The following CLIP1 variants were observed in gnomAD, a reference collection of about 807,000 sequenced individuals.
CLIP1 encodes the protein CAP-Gly domain-containing linker protein 1.
A neutral mutation model predicts 161.6 loss-of-function variants in CLIP1; 66 were observed. The observed-to-expected ratio is 0.41, with a 90% confidence interval of 0.33 to 0.50. The LOEUF (loss-of-function observed/expected upper bound fraction) is 0.50, where lower values mean the gene tolerates loss of function less well. Ranked by LOEUF, CLIP1 falls within the 20% of genes least tolerant of loss-of-function variation. The pLI is 0.27. For synonymous variants in CLIP1, 598 were observed against 626.2 expected (o/e 0.96, Z 0.67); for missense variants, 1,376 against 1,702.0 (o/e 0.81, Z 3.37).
chr12:122,314,088 C>G (rs1011448243), intron 19 of CLIP1, among the ~76,000 whole-genome samples: 1 of 151,878 alleles, frequency 6.6e-6, no homozygotes, highest in African/African-American at 2.4e-5. Flanking sequence ...GTCAGGCGTT[C>G]GAGTACAGCC....
intron 19 of CLIP1, among the ~76,000 whole-genome samples, chr12:122,313,734 CA>C (rs931449113): frequency 2.0e-5 from 3 of 151,024 alleles, no homozygotes; most frequent in Non-Finnish European, 3.0e-5. Flanking sequence ...ACAACAACAA[CA>C]AAAAAAAACT....
intron 3 of CLIP1, among the ~76,000 whole-genome samples, chr12:122,365,914 T>C (rs560780478): frequency 7.2e-4 from 109 of 152,054 alleles, no homozygotes; most frequent in African/African-American, 2.6e-3. Context: ...GAAGCTGAGG[T>C]GGGAGGATTG....
intron 1 of CLIP1, among the ~76,000 whole-genome samples, chr12:122,420,036 A>T (rs890526483): frequency 2.6e-5 from 4 of 151,444 alleles, no homozygotes; most frequent in Admixed American, 1.3e-4. Flanking sequence ...GGTAAAAAAA[A>T]TTTTTTTTAA....
intron 10 of CLIP1, chr12:122,342,018 A>C (rs1278038918): frequency 2.0e-4 from 34 of 169,428 alleles, no homozygotes; most frequent in Non-Finnish European, 1.6e-4. Context: ...TCCTGACCTC[A>C]GGTGATCCAC....
intron 20 of CLIP1, among the ~76,000 whole-genome samples, chr12:122,305,851 T>G (rs1445389898): frequency 6.6e-6 from 1 of 151,768 alleles, no homozygotes; most frequent in Non-Finnish European, 1.5e-5. Context: ...ACGGATTGCC[T>G]AAGCTCAGGA....
chr12:122,343,446 A>C (rs1386734061), intron 10 of CLIP1: 1 of 152,134 alleles, frequency 6.6e-6, no homozygotes, highest in Non-Finnish European at 1.5e-5. Flanking sequence ...TGATCATTTT[A>C]TTAAAACACA....
intron 1 of CLIP1, among the ~76,000 whole-genome samples, chr12:122,409,559 T>C (rs1162529638): frequency 2.0e-5 from 3 of 151,956 alleles, no homozygotes; most frequent in African/African-American, 4.8e-5. Flanking sequence ...CAAGACAGAG[T>C]CTCACTCTGT....
At position 122,273,003 on chromosome 12, in the gene CLIP1, C is replaced by T; in HGVS notation, c.4189G>A (p.Ala1397Thr). Residue 1397 changes from alanine (A) to threonine (T), a missense_variant, in exon 26 of 26, where the codon GCA becomes ACA. By Grantham distance (58) the Ala-to-Thr change is moderately conservative (BLOSUM62 0). This residue lies in a region of CLIP1 where 948 missense variants were observed against 1,134.8 expected (regional missense o/e 0.84). Transcript: ENST00000620786. ...LHDTEDCPTQ[A>T]QMSEDPPHST... The stretch of plus-strand genomic sequence containing the variant: ...TGGGGAGGGTCCTCTGACATCTGTG[C>T]CTGGGTAGGACAATCCTCTGTGTCG... The T allele has an allele frequency of 6.2e-7, 1 of 1,614,162 alleles. No homozygotes were observed. The highest frequency in any genetic ancestry group is 8.5e-7 in the Non-Finnish European group (1 of 1,180,022).
At chr12:122,405,223 T>C (rs1956284444) in intron 1 of CLIP1, among the ~76,000 whole-genome samples, 1 of 150,484 alleles carries the variant, frequency 6.6e-6, no homozygotes, top group Non-Finnish European at 1.5e-5. Flanking sequence ...GTTCTGTCAC[T>C]GCTGCATGGC....
At chr12:122,384,306 T>G (rs192031147) in intron 1 of CLIP1, among the ~76,000 whole-genome samples, 2 of 152,162 alleles carry the variant, frequency 1.3e-5, no homozygotes. Context: ...AAGAATGACC[T>G]ACATATGTAT....
chr12:122,357,545 CG>C (rs1953490764), intron 5 of CLIP1, among the ~76,000 whole-genome samples: 1 of 133,996 alleles, frequency 7.5e-6, no homozygotes. Context: ...CCGCCCCGTC[CG>C]GGAGGGAGGT....
rs60623525 is a variant in CLIP1, at chr12:122,311,025, G to A, written c.3474-1143C>T. 0.1 allele frequency among the ~76,000 whole-genome samples: 15,372 copies of A among 152,078 alleles called. 2,525 individuals are homozygous for A. The highest frequency in any genetic ancestry group is 0.35 in the African/African-American group (14,409 of 41,424). On this transcript the variant is annotated intron_variant, in intron 19 of 25. Transcript: ENST00000620786. This position sits in a 1 kb window ranked among gnomAD's most constrained non-coding sequence, Gnocchi z 4.3. ...TTACAGAGATGTTTATTTAGCAATT[G>A]AAGATAAACTGAGAAGGAATTTTAG...
intron 21 of CLIP1, among the ~76,000 whole-genome samples, chr12:122,286,520 T>TAA (rs57260606): frequency 0.022 from 607 of 28,218 alleles, 64 homozygotes; most frequent in Non-Finnish European, 0.026. Context: ...GACTCTGTCT[T>TAA]AAAAAAAAAA....
chr12:122,398,177 A>C (rs1352018445), intron 1 of CLIP1, among the ~76,000 whole-genome samples: 1 of 151,598 alleles, frequency 6.6e-6, no homozygotes, highest in Non-Finnish European at 1.5e-5. Context: ...GCACTTCGGA[A>C]GGCCAAGGCA....
intron 19 of CLIP1, 116 bp downstream of exon 19, chr12:122,316,633 G>A: frequency 3.1e-6 from 2 of 642,184 alleles, no homozygotes; most frequent in East Asian, 2.9e-5. Flanking sequence ...ATGCAATAGA[G>A]TCTGCATACG....
rs1566198620 is a variant in CLIP1, at chr12:122,379,943, T to TAAAAAAAAAAAAAAAAAAAA, written c.85+424_85+425insTTTTTTTTTTTTTTTTTTTT. Reference sequence around the variant, plus strand: ...TGGGGAATAGAGCAAGACTCCATCTTTAAAAAAAAAAAAAAAAAATGCAAG... The same window carrying TAAAAAAAAAAAAAAAAAAAA: ...TGGGGAATAGAGCAAGACTCCATCTTAAAAAAAAAAAAAAAAAAAATAAAAAAAAAAAAAAAAAATGCAAG... On this transcript the variant is annotated intron_variant, in intron 2 of 25. Coordinates refer to ENST00000620786, the MANE Select transcript of CLIP1 (RefSeq NM_001247997.2). 1.2e-3 allele frequency among the ~76,000 whole-genome samples: 84 copies of TAAAAAAAAAAAAAAAAAAAA among 70,354 alleles called. 10 individuals are homozygous for TAAAAAAAAAAAAAAAAAAAA. Among genetic ancestry groups the TAAAAAAAAAAAAAAAAAAAA allele is most frequent in the South Asian group, 5.6e-3 (10 of 1,772 alleles). 46.2% of individuals were successfully genotyped at this position (70,354 alleles called of 152,430 possible).
At chr12:122,372,191 C>T (rs1383894661) in intron 3 of CLIP1, among the ~76,000 whole-genome samples, 5 of 151,450 alleles carry the variant, frequency 3.3e-5, no homozygotes, top group Non-Finnish European at 7.4e-5. Flanking sequence ...GAGGCCGAGG[C>T]GAGCAGATCA....
At chr12:122,411,867 AAAAATGAAAATATAATAAAACTGAT>A (rs1451228840) in intron 1 of CLIP1, among the ~76,000 whole-genome samples, 1 of 152,132 alleles carries the variant, frequency 6.6e-6, no homozygotes, top group African/African-American at 2.4e-5. Context: ...GAAAAGGAAA[AAAAATGAAAATATAATAAAACTGAT>A]AATGGTGATG....
At chr12:122,340,594 G>A (rs529633447) in intron 11 of CLIP1, among the ~76,000 whole-genome samples, 159 bp downstream of exon 11, 1 of 152,288 alleles carries the variant, frequency 6.6e-6, no homozygotes, top group South Asian at 2.1e-4. Context: ...AACCATACTT[G>A]AGATACTCAG....
Sources: allele counts gnomAD v4.1 joint callset (sites outside exome capture counted in the v4.1 genomes callset), GRCh38; gene constraint gnomAD v4.1.1; regional missense constraint gnomAD v4.1.1; non-coding constraint Gnocchi (gnomAD v3.1); transcripts MANE v1.5; gene names NCBI Gene and HGNC (gene_info 2026-07-23, HGNC 2026-07-21).